The following SF3B1 variants were observed in gnomAD, a reference collection of about 807,000 sequenced individuals.
SF3B1 encodes splicing factor 3b subunit 1.
Under a neutral mutation model 153.8 loss-of-function variants are expected in SF3B1, and 12 were observed. The ratio of observed to expected loss-of-function variants is 0.08; its 90% confidence interval spans 0.05 to 0.13. SF3B1 has a LOEUF of 0.13. Among genes scored for constraint, SF3B1 ranks in the 10% least tolerant of loss-of-function variants. The probability of loss-of-function intolerance (pLI) is 1.00; values close to 1 mark genes in which losing one functional copy is unlikely to be tolerated. For synonymous variants in SF3B1, 498 were observed against 525.2 expected, an observed-to-expected ratio of 0.95 and a Z score of 0.71; for missense variants, 513 against 1,606.1, an observed-to-expected ratio of 0.32 and a Z score of 11.63.
chr2:197,432,745 C>A (rs1047009291), intron 1 of SF3B1, among the ~76,000 whole-genome samples: 1 of 151,826 alleles, frequency 6.6e-6, no homozygotes, highest in Non-Finnish European at 1.5e-5. Context: ...CACATGCCTG[C>A]GATACTAGTA....
chr2:197,419,196 ATTT>A, intron 4 of SF3B1: 2 of 457,272 alleles, frequency 4.4e-6, no homozygotes. Flanking sequence ...CAGAAAACAT[ATTT>A]TTATTTCTTA....
intron 23 of SF3B1, 170 bp from the exon 24 acceptor site, chr2:197,393,358 C>T: frequency 1.6e-6 from 1 of 609,218 alleles, no homozygotes; most frequent in African/African-American, 1.9e-5. Flanking sequence ...TTTCATATAT[C>T]TAATATATCC....
intron 20 of SF3B1, 110 bp from the exon 21 acceptor site, chr2:197,398,691 T>C (rs1574526155): frequency 9.8e-7 from 1 of 1,019,212 alleles, no homozygotes; most frequent in South Asian, 1.6e-5. Flanking sequence ...AACTTACAGC[T>C]GCCTAGGGAA....
intron 1 of SF3B1, among the ~76,000 whole-genome samples, chr2:197,432,167 A>G (rs2085450277): frequency 6.6e-6 from 1 of 152,210 alleles, no homozygotes; most frequent in Admixed American, 6.5e-5. Context: ...CAAGATACAC[A>G]ATAACAAAAC....
intron 2 of SF3B1, among the ~76,000 whole-genome samples, chr2:197,423,550 T>C (rs536524977): frequency 6.6e-6 from 1 of 152,310 alleles, no homozygotes; most frequent in East Asian, 1.9e-4. Context: ...AGGGATTTAC[T>C]TTACTCTTAA....
At position 197,402,906 on chromosome 2, in the gene SF3B1, A is replaced by G; in HGVS notation, c.1806+43T>C. ...CATTTCTTTCCATAATCAATTCCATAAACAGATATAAATTTTCTTCTCTAG... is the reference window on the plus strand; with the variant it reads ...CATTTCTTTCCATAATCAATTCCATGAACAGATATAAATTTTCTTCTCTAG... On this transcript the variant is annotated intron_variant, in intron 13 of 24. Coordinates refer to ENST00000335508, the MANE Select transcript of SF3B1 (RefSeq NM_012433.4). The surrounding 1 kb of genome is among the most constrained non-coding windows in gnomAD (Gnocchi z 4.6). The G allele has an allele frequency of 6.2e-7, 1 of 1,607,432 alleles. No homozygotes were observed.
In SF3B1 at chr2:197,403,054, A is replaced by C. The variant is rs763802166; in HGVS notation, c.1720-19T>G. 1.3e-6 allele frequency: 2 copies of C among 1,537,502 alleles called. No individual in the cohort carries two copies. The highest frequency in any genetic ancestry group is 1.8e-6 in the Non-Finnish European group (2 of 1,113,524). On this transcript the variant is annotated intron_variant, in intron 12 of 24. Transcript: ENST00000335508. ...CGAGGATCTGAAAAAGAGAAAAGAG[A>C]AGAAGCTACACTTTCACATCAATTA...
At chr2:197,403,789 G>A (rs2105988927) in intron 11 of SF3B1, 25 bp from the exon 12 acceptor site, 15 of 1,527,444 alleles carry the variant, frequency 9.8e-6, no homozygotes, top group Non-Finnish European at 1.3e-5. Flanking sequence ...AGAGTAATAG[G>A]TGTGGTTTCT....
At chr2:197,426,727 G>C (rs1360412756) in intron 1 of SF3B1, among the ~76,000 whole-genome samples, 1 of 152,056 alleles carries the variant, frequency 6.6e-6, no homozygotes, top group Non-Finnish European at 1.5e-5. Context: ...TGAAGCCCAG[G>C]ATTCTGCATC....
In SF3B1 at chr2:197,402,360, A is replaced by C; in HGVS notation, c.2077+196T>G. The C allele has an allele frequency of 1.4e-6, 1 of 701,798 alleles. No homozygotes were observed. Among genetic ancestry groups the C allele is most frequent in the South Asian group, 2.0e-5 (1 of 50,014 alleles). The allele number at this position is 701,798 out of a possible 1,614,324, so 43.5% of individuals were successfully genotyped here. On this transcript the variant is annotated intron_variant, in intron 14 of 24. Coordinates refer to ENST00000335508, the MANE Select transcript of SF3B1 (RefSeq NM_012433.4). This position sits in a 1 kb window ranked among gnomAD's most constrained non-coding sequence, Gnocchi z 4.6. ...CTATGCCTTTCCATTTATCTCCCCA[A>C]ATCAGTAGCCCAAATTTTAGGACAG...
At chr2:197,396,383 G>A in intron 22 of SF3B1, 55 bp from the exon 23 acceptor site, 1 of 1,463,420 alleles carries the variant, frequency 6.8e-7, no homozygotes, top group Non-Finnish European at 9.2e-7. Context: ...AAAATTTATG[G>A]AAGAAAAAAA....
intron 2 of SF3B1, 151 bp downstream of exon 2, chr2:197,423,657 A>G: frequency 2.9e-6 from 2 of 684,114 alleles, no homozygotes; most frequent in Non-Finnish European, 4.8e-6. Flanking sequence ...GAAGTTTCTG[A>G]ACCTTAGAGA....
chr2:197,415,442 G>C (rs903601113), intron 6 of SF3B1, among the ~76,000 whole-genome samples: 10 of 151,824 alleles, frequency 6.6e-5, no homozygotes, highest in African/African-American at 2.2e-4. Context: ...TTTTAGTAGA[G>C]ACAGGGTTTC....
In SF3B1 at chr2:197,392,448, G is replaced by A. The variant is rs2105973820; in HGVS notation, c.3770C>T (p.Pro1257Leu). 6.3e-7 allele frequency: 1 copy of A among 1,588,948 alleles called. No homozygotes were observed. The highest frequency in any genetic ancestry group is 8.6e-7 in the Non-Finnish European group (1 of 1,161,222). Residue 1257 changes from proline (P) to leucine (L), a missense_variant, in exon 25 of 25, where the codon CCA becomes CTA. Transcript: ENST00000335508. ...LQYCLQGLFHPARKVRDVYWK... is the reference protein window; with the variant it reads ...LQYCLQGLFHLARKVRDVYWK... ...ATATACATCTCTGACTTTCCGGGCT[G>A]GGTGAAACAGACCCTAAAATAATTG...
chr2:197,423,369 C>CAAA (rs775495226), intron 2 of SF3B1, among the ~76,000 whole-genome samples: 4 of 68,930 alleles, frequency 5.8e-5, no homozygotes, highest in Non-Finnish European at 9.0e-5. Flanking sequence ...GAGACTGTCT[C>CAAA]AAAAAAAAAA....
At position 197,401,339 on chromosome 2, in the gene SF3B1, A is replaced by G. The variant is rs75406274; in HGVS notation, c.2496+61T>C. 16,428 of 1,444,276 alleles carry G rather than the reference A, an allele frequency of 0.011. 136 individuals carry two copies. Among genetic ancestry groups the G allele is most frequent in the South Asian group, 0.025 (2,032 of 79,768 alleles). The allele number at this position is 1,444,276 out of a possible 1,614,324, so 89.5% of individuals were successfully genotyped here. A position where few individuals can be genotyped will look rare whatever the true frequency, so the allele number is the denominator to read the frequency against. The stretch of plus-strand genomic sequence containing the variant: ...AAAAATAATATACAACATGCATTCA[A>G]GTTGACTAAAGAATGAGTTGAAAGG... On this transcript the variant is annotated intron_variant, in intron 17 of 24. Transcript: ENST00000335508. This position sits in a 1 kb window ranked among gnomAD's most constrained non-coding sequence, Gnocchi z 4.2.
In SF3B1 at chr2:197,393,206, A is replaced by G. The variant is rs756260947; in HGVS notation, c.3540-18T>C. 1 of 1,567,524 alleles carries G rather than the reference A, an allele frequency of 6.4e-7. No individual in the cohort carries two copies. Among genetic ancestry groups the G allele is most frequent in the East Asian group, 2.2e-5 (1 of 44,642 alleles). ...CAAGGTCTCTACAACGGAAGGGAAAAAAGTCCTTTAAGATGCGGTCTTATA... is the reference window on the plus strand; with the variant it reads ...CAAGGTCTCTACAACGGAAGGGAAAGAAGTCCTTTAAGATGCGGTCTTATA... On this transcript the variant is annotated intron_variant, in intron 23 of 24. Transcript: ENST00000335508.
At chr2:197,407,932 A>G in intron 9 of SF3B1, 66 bp downstream of exon 9, 1 of 1,474,574 alleles carries the variant, frequency 6.8e-7, no homozygotes, top group South Asian at 1.2e-5. Context: ...AGCTTAATCA[A>G]TTTTTTTCAC....
chr2:197,400,983 G>A lies in SF3B1; in HGVS notation c.2497-47C>T. On this transcript the variant is annotated intron_variant, in intron 17 of 24. Transcript: ENST00000335508. This position sits in a 1 kb window ranked among gnomAD's most constrained non-coding sequence, Gnocchi z 5.0. ...AAAACCTTTTAGACTGCTTTTCCAA[G>A]GAAATAAAGCAACATCATGAAAACC... is the stretch of plus-strand genomic sequence containing the variant. 2 of 1,215,064 alleles carry A rather than the reference G, an allele frequency of 1.6e-6. No homozygotes were observed. The highest frequency in any genetic ancestry group is 4.7e-5 in the East Asian group (2 of 42,786). 75.3% of individuals were successfully genotyped at this position (1,215,064 alleles called of 1,614,324 possible).
Sources: gnomAD v4.1 joint callset for allele counts (sites outside exome capture counted in the v4.1 genomes callset) on GRCh38, gnomAD v4.1.1 for gene constraint, Gnocchi (gnomAD v3.1) non-coding constraint, MANE v1.5 for transcripts, NCBI Gene and HGNC (gene_info 2026-07-23, HGNC 2026-07-21) for gene names.